The following SLC10A2 variants were observed in gnomAD, a reference collection of about 807,000 sequenced individuals.
SLC10A2 encodes the protein solute carrier family 10 member 2.
SLC10A2 carries 34 observed loss-of-function variants against 27.1 expected under a neutral mutation model. That is an observed-to-expected ratio of 1.26 (90% CI 0.96 to 1.67). The LOEUF (loss-of-function observed/expected upper bound fraction) is 1.67. Ranked by LOEUF, SLC10A2 falls within the 40% of genes most tolerant of loss-of-function variation. The pLI, the probability that SLC10A2 is intolerant of heterozygous loss-of-function variation, is 0.00. For synonymous variants in SLC10A2, 205 were observed against 174.0 expected, an observed-to-expected ratio of 1.18 and a Z score of -1.40; for missense variants, 530 against 444.4, an observed-to-expected ratio of 1.19 and a Z score of -1.73.
intron 3 of SLC10A2, among the ~76,000 whole-genome samples, chr13:103,051,749 C>G (rs1672898758): frequency 6.6e-6 from 1 of 152,180 alleles, no homozygotes; most frequent in Non-Finnish European, 1.5e-5. Flanking sequence ...GAAGATTTGG[C>G]TTCCAGATTC....
intron 1 of SLC10A2, among the ~76,000 whole-genome samples, chr13:103,063,449 T>C (rs970316511): frequency 6.6e-6 from 1 of 152,158 alleles, no homozygotes; most frequent in African/African-American, 2.4e-5. Flanking sequence ...CAAGTGGAGA[T>C]GGAGAAGGTA....
At chr13:103,051,559 A>G (rs1875783408) in intron 3 of SLC10A2, 127 bp from the exon 4 acceptor site, 4 of 1,001,582 alleles carry the variant, frequency 4.0e-6, no homozygotes, top group Middle Eastern at 3.0e-4. Context: ...TTGTCTTTCT[A>G]TGTACTCCAA....
chr13:103,048,988 G>A (rs549504360), intron 5 of SLC10A2, among the ~76,000 whole-genome samples: 6 of 152,276 alleles, frequency 3.9e-5, no homozygotes, highest in African/African-American at 9.6e-5. Context: ...GCCAGAAGGC[G>A]CACAATAAAA....
chr13:103,051,933 C>T (rs1344168691), intron 3 of SLC10A2, among the ~76,000 whole-genome samples: 2 of 133,964 alleles, frequency 1.5e-5, no homozygotes, highest in Non-Finnish European at 3.1e-5. Flanking sequence ...AAATGAAAAC[C>T]ACTGTTGTTA....
At chr13:103,048,392 AAAAAAAAAG>A (rs1345565552) in intron 5 of SLC10A2, among the ~76,000 whole-genome samples, 7 of 143,776 alleles carry the variant, frequency 4.9e-5, no homozygotes, top group Non-Finnish European at 9.0e-5. Context: ...GGCTGTCTCA[AAAAAAAAAG>A]AAAAAAAAAG....
intron 3 of SLC10A2, among the ~76,000 whole-genome samples, chr13:103,052,355 C>T (rs1875807349): frequency 7.0e-6 from 1 of 142,854 alleles, no homozygotes; most frequent in Admixed American, 6.7e-5. Context: ...GGCGCAGTGT[C>T]TCATACCTGT....
rs748275897 is a variant in SLC10A2, at chr13:103,058,292, C to T, written c.468G>A (p.Gly156=). Residue 156 remains glycine (G), a synonymous_variant, in exon 2 of 6, where the codon GGG becomes GGA. Coordinates refer to ENST00000245312, the MANE Select transcript of SLC10A2 (RefSeq NM_000452.3). ...LIYTKMWVDS[G]SIVIPYDNIG... ...TGTTATCATAGGGAATTACGATGCT[C>T]CCAGAGTCGACCCACATTTTGGTAT... is the stretch of plus-strand genomic sequence containing the variant. 2 of 1,610,298 alleles carry T rather than the reference C, an allele frequency of 1.2e-6. No homozygotes were observed. Among genetic ancestry groups the T allele is most frequent in the South Asian group, 1.1e-5 (1 of 90,980 alleles).
intron 2 of SLC10A2, among the ~76,000 whole-genome samples, chr13:103,057,319 C>T (rs931164200): frequency 6.6e-6 from 1 of 152,150 alleles, no homozygotes; most frequent in Non-Finnish European, 1.5e-5. Flanking sequence ...ACCCTCATCC[C>T]TAAGTTACAA....
chr13:103,065,898 A>T lies in SLC10A2; in HGVS notation c.352T>A (p.Trp118Arg), dbSNP rs369169474. Reference protein sequence around the residue: ...GGTASNILAYWVDGDMDLSVS... With the variant: ...GGTASNILAYRVDGDMDLSVS... ...CTCAGGTCCATGTCGCCATCGACCC[A>T]ATAGGCCAAGATATTGGAGGCAGTT... The change falls in exon 1 of 6, where the codon TGG becomes AGG. Residue 118 changes from tryptophan (W) to arginine (R), a missense_variant. Transcript: ENST00000245312. 1 of 1,614,054 alleles carries T rather than the reference A, an allele frequency of 6.2e-7. No homozygotes were observed. Among genetic ancestry groups the T allele is most frequent in the African/African-American group, 1.3e-5 (1 of 74,926 alleles).
intron 2 of SLC10A2, 60 bp downstream of exon 2, chr13:103,058,204 C>A (rs1875995864): frequency 2.0e-6 from 2 of 991,442 alleles, no homozygotes; most frequent in South Asian, 1.3e-5. Flanking sequence ...GAGAGCCTAG[C>A]AGGGGGTAAG....
At chr13:103,056,559 G>A (rs945987928) in intron 2 of SLC10A2, among the ~76,000 whole-genome samples, 1 of 152,094 alleles carries the variant, frequency 6.6e-6, no homozygotes, top group Non-Finnish European at 1.5e-5. Context: ...AATTATTACA[G>A]TGAGTATTGT....
chr13:103,044,752 A>C lies in SLC10A2; in HGVS notation c.*1381T>G. 6.6e-6 allele frequency: 1 copy of C among 152,198 alleles called. No individual in the cohort carries two copies. The highest frequency in any genetic ancestry group is 1.5e-5 in the Non-Finnish European group (1 of 68,032). 9.4% of individuals were successfully genotyped at this position (152,198 alleles called of 1,614,324 possible). A position where few individuals can be genotyped will look rare whatever the true frequency, so the allele number is the denominator to read the frequency against. ...CTCTATGAGGCAGTGAAAATACCCA[A>C]TGCAAAATGGAACAAAACCACTAAG... is the stretch of plus-strand genomic sequence containing the variant. On this transcript the variant is annotated 3_prime_UTR_variant, in exon 6 of 6. Coordinates refer to ENST00000245312, the MANE Select transcript of SLC10A2 (RefSeq NM_000452.3).
intron 4 of SLC10A2, 31 bp from the exon 5 acceptor site, chr13:103,049,477 TA>T (rs1159275809): frequency 9.9e-6 from 16 of 1,612,622 alleles, no homozygotes; most frequent in Non-Finnish European, 1.4e-5. Flanking sequence ...GCACATGTTT[TA>T]GTAGTTTTGT....
At chr13:103,061,956 C>T (rs942647885) in intron 1 of SLC10A2, among the ~76,000 whole-genome samples, 1 of 151,876 alleles carries the variant, frequency 6.6e-6, no homozygotes, top group African/African-American at 2.4e-5. Flanking sequence ...ACATACACTG[C>T]CTTGAATTTA....
At position 103,066,341 on chromosome 13, in the gene SLC10A2, T is replaced by C; in HGVS notation, c.-92A>G. The C allele has an allele frequency of 1.4e-6, 2 of 1,425,272 alleles. No homozygotes were observed. Among genetic ancestry groups the C allele is most frequent in the South Asian group, 1.5e-5 (1 of 66,858 alleles). 88.3% of individuals were successfully genotyped at this position (1,425,272 alleles called of 1,614,324 possible). ...CTGGTTGAGTTAAGCAACGTTTACT[T>C]CTACCCCATCAAACTTTTAAACCCC... is the stretch of plus-strand genomic sequence containing the variant. On this transcript the variant is annotated 5_prime_UTR_variant, in exon 1 of 6. Transcript: ENST00000245312.
At chr13:103,064,409 A>G (rs567672382) in intron 1 of SLC10A2, among the ~76,000 whole-genome samples, 5 of 152,306 alleles carry the variant, frequency 3.3e-5, no homozygotes, top group African/African-American at 1.2e-4. Flanking sequence ...AAGAGAATTC[A>G]TTTCAACAAC....
chr13:103,054,715 G>A (rs1268606203), intron 2 of SLC10A2, among the ~76,000 whole-genome samples: 2 of 152,168 alleles, frequency 1.3e-5, no homozygotes, highest in Non-Finnish European at 1.5e-5. Flanking sequence ...GAGGCCAGAT[G>A]AAGTTTTTCA....
chr13:103,055,985 AT>A (rs2138918702), intron 2 of SLC10A2, among the ~76,000 whole-genome samples: 1 of 152,314 alleles, frequency 6.6e-6, no homozygotes, highest in East Asian at 1.9e-4. Context: ...GCCTATACCT[AT>A]TTAGAAAAGT....
intron 2 of SLC10A2, among the ~76,000 whole-genome samples, chr13:103,057,789 G>A (rs1445329587): frequency 1.3e-5 from 2 of 151,864 alleles, no homozygotes; most frequent in African/African-American, 4.8e-5. Flanking sequence ...TGAGGCAGGA[G>A]AATTGCTTGA....
Sources: gnomAD v4.1 joint callset for allele counts (sites outside exome capture counted in the v4.1 genomes callset) on GRCh38, gnomAD v4.1.1 for gene constraint, MANE v1.5 for transcripts, NCBI Gene and HGNC (gene_info 2026-07-23, HGNC 2026-07-21) for gene names.